Variants in ANKS1B observed in about 807,000 individuals in gnomAD.
ANKS1B encodes ankyrin repeat and sterile alpha motif domain-containing protein 1B.
Under a neutral mutation model 148.3 loss-of-function variants are expected in ANKS1B, and 36 were observed. The ratio of observed to expected loss-of-function variants is 0.24; its 90% confidence interval spans 0.19 to 0.32. ANKS1B has a LOEUF of 0.32. Ranked by LOEUF, ANKS1B falls within the 10% of genes least tolerant of loss-of-function variation. The pLI is 1.00. For synonymous variants in ANKS1B, 542 were observed against 560.8 expected, an observed-to-expected ratio of 0.97 and a Z score of 0.47; for missense variants, 1,157 against 1,542.6, an observed-to-expected ratio of 0.75 and a Z score of 4.19.
At chr12:99,962,625 ACT>A (rs1176687472) in intron 1 of ANKS1B, among the ~76,000 whole-genome samples, 1 of 152,314 alleles carries the variant, frequency 6.6e-6, no homozygotes, top group East Asian at 1.9e-4. Context: ...GAATCACCAC[ACT>A]GTCTTCAACA....
At chr12:99,751,452 A>G (rs2061099835) in intron 8 of ANKS1B, among the ~76,000 whole-genome samples, 1 of 152,080 alleles carries the variant, frequency 6.6e-6, no homozygotes, top group Non-Finnish European at 1.5e-5. Context: ...GCTCTTATTC[A>G]GTAAGAATGA....
chr12:99,497,040 C>T (rs1309427257), intron 10 of ANKS1B, among the ~76,000 whole-genome samples: 1 of 152,094 alleles, frequency 6.6e-6, no homozygotes, highest in Non-Finnish European at 1.5e-5. Context: ...ACAGCCATCC[C>T]TCAGTGTCCA....
chr12:98,884,908 G>A (rs528888597), intron 17 of ANKS1B, among the ~76,000 whole-genome samples: 63 of 151,536 alleles, frequency 4.2e-4, no homozygotes, highest in African/African-American at 1.5e-3. Flanking sequence ...TAGACCCAAT[G>A]ATCTGCTTGA....
Position 99,031,231 on chromosome 12 carries a change from A to G in ANKS1B, c.2778+21926T>C, listed in dbSNP as rs542826674. Among the ~76,000 whole-genome samples, 5 of 152,362 alleles carry G rather than the reference A, an allele frequency of 3.3e-5. No homozygotes were observed. In the East Asian group the frequency reaches 9.6e-4, roughly 29 times the overall value. On this transcript the variant is annotated intron_variant, in intron 17 of 26. Coordinates refer to ENST00000683438, the MANE Select transcript of ANKS1B (RefSeq NM_001352186.2). ...AGACATATTCCAAGTCAAATTGATT[A>G]AAGAAATTAGTTCTTTCTCCTTAGT...
intron 2 of ANKS1B, among the ~76,000 whole-genome samples, chr12:99,817,155 C>G (rs2069294481): frequency 1.2e-5 from 1 of 84,962 alleles, no homozygotes. Flanking sequence ...TTAATCAAAT[C>G]TCTTCTCCCC....
intron 11 of ANKS1B, among the ~76,000 whole-genome samples, chr12:99,431,505 G>A (rs1384895993): frequency 6.6e-6 from 1 of 152,194 alleles, no homozygotes; most frequent in African/African-American, 2.4e-5. Flanking sequence ...ATCACTAGTT[G>A]TGAAATATAT....
rs151249604 is a variant in ANKS1B at position 99,427,886 on chromosome 12, G to A, written c.1575+15787C>T. Among the ~76,000 whole-genome samples, 11 of 152,244 alleles carry A rather than the reference G, an allele frequency of 7.2e-5. 1 individual carries two copies. The highest frequency in any genetic ancestry group is 3.3e-4 in the Admixed American group (5 of 15,304). Reference sequence around the variant, plus strand: ...AGGGAAATGCATTCTAGACTGTATCGGAAAGGGTGCAAGAACAAGTCTCCT... The same window carrying A: ...AGGGAAATGCATTCTAGACTGTATCAGAAAGGGTGCAAGAACAAGTCTCCT... On this transcript the variant is annotated intron_variant, in intron 11 of 26. Coordinates refer to ENST00000683438, the MANE Select transcript of ANKS1B (RefSeq NM_001352186.2).
chr12:99,932,826 T>C (rs963726222), intron 1 of ANKS1B, among the ~76,000 whole-genome samples: 2 of 152,162 alleles, frequency 1.3e-5, no homozygotes, highest in African/African-American at 4.8e-5. Flanking sequence ...GAGGTATTAC[T>C]CAAGAAATCT....
intron 1 of ANKS1B, among the ~76,000 whole-genome samples, chr12:99,849,248 AAT>A (rs2087257681): frequency 6.6e-6 from 1 of 152,090 alleles, no homozygotes; most frequent in Non-Finnish European, 1.5e-5. Flanking sequence ...TCAAATACCA[AAT>A]ATATATATGT....
At chr12:99,463,726 C>T (rs1426321354) in intron 10 of ANKS1B, among the ~76,000 whole-genome samples, 3 of 152,112 alleles carry the variant, frequency 2.0e-5, no homozygotes, top group South Asian at 2.1e-4. Flanking sequence ...AAGGTGGCAG[C>T]GAGGCTTGGG....
intron 1 of ANKS1B, among the ~76,000 whole-genome samples, chr12:99,900,167 G>A (rs1565957100): frequency 6.6e-6 from 1 of 151,652 alleles, no homozygotes; most frequent in African/African-American, 2.4e-5. Flanking sequence ...CCAAAGTGCT[G>A]GGATAATAGG....
chr12:99,165,603 C>A (rs553936993), intron 14 of ANKS1B, among the ~76,000 whole-genome samples: 1 of 151,992 alleles, frequency 6.6e-6, no homozygotes, highest in South Asian at 2.1e-4. Context: ...TAGCTCTCTA[C>A]CTATTGAAGT....
At chr12:99,420,241 A>G (rs1296977934) in intron 11 of ANKS1B, among the ~76,000 whole-genome samples, 1 of 152,184 alleles carries the variant, frequency 6.6e-6, no homozygotes, top group Non-Finnish European at 1.5e-5. Flanking sequence ...TATACAATAA[A>G]AATAACAGAA....
Position 99,443,827 on chromosome 12 carries a change from A to G in ANKS1B, c.1439-18T>C, listed in dbSNP as rs2095588979. 1 of 1,599,664 alleles carries G rather than the reference A, an allele frequency of 6.3e-7. No individual in the cohort carries two copies. Among genetic ancestry groups the G allele is most frequent in the African/African-American group, 1.3e-5 (1 of 74,290 alleles). On this transcript the variant is annotated intron_variant, in intron 10 of 26. Coordinates refer to ENST00000683438, the MANE Select transcript of ANKS1B (RefSeq NM_001352186.2). ...GGCATTATCTGTGAATAAAAATAGA[A>G]CTGCCATGAACCTAATCACTCAGTT...
intron 12 of ANKS1B, among the ~76,000 whole-genome samples, chr12:99,296,860 G>T (rs1256574601): frequency 1.3e-5 from 2 of 152,112 alleles, no homozygotes; most frequent in African/African-American, 4.8e-5. Flanking sequence ...ATATTAACTA[G>T]AATATGTTAA....
intron 1 of ANKS1B, among the ~76,000 whole-genome samples, chr12:99,908,898 G>A (rs2093894436): frequency 6.6e-6 from 1 of 152,006 alleles, no homozygotes; most frequent in African/African-American, 2.4e-5. Context: ...TATACGATGT[G>A]ATATCATTCT....
intron 17 of ANKS1B, among the ~76,000 whole-genome samples, chr12:98,879,307 G>A (rs989767941): frequency 9.9e-5 from 15 of 152,192 alleles, no homozygotes; most frequent in African/African-American, 3.1e-4. Flanking sequence ...CAGAATAACT[G>A]TGCAAGGTAG....
intron 1 of ANKS1B, among the ~76,000 whole-genome samples, chr12:99,962,211 C>G (rs2043012648): frequency 6.6e-6 from 1 of 152,126 alleles, no homozygotes; most frequent in Admixed American, 6.5e-5. Flanking sequence ...ACCCTCCCAC[C>G]CCCATCAGGC....
chr12:99,320,608 G>C (rs1276471866), intron 12 of ANKS1B, among the ~76,000 whole-genome samples: 1 of 152,028 alleles, frequency 6.6e-6, no homozygotes, highest in African/African-American at 2.4e-5. Flanking sequence ...CTTTTTTCAA[G>C]GTTTTTAGCT....
Sources: gnomAD v4.1 joint callset for allele counts (sites outside exome capture counted in the v4.1 genomes callset) on GRCh38, gnomAD v4.1.1 for gene constraint, MANE v1.5 for transcripts, NCBI Gene and HGNC (gene_info 2026-07-23, HGNC 2026-07-21) for gene names.